Variants in CACNA1A observed in about 807,000 individuals in gnomAD.
CACNA1A encodes calcium voltage-gated channel subunit alpha1 A.
In CACNA1A, 57 loss-of-function variants were observed where a neutral mutation model predicts 262.4. That is an observed-to-expected ratio of 0.22 (90% confidence interval 0.18 to 0.27). The LOEUF (loss-of-function observed/expected upper bound fraction) is 0.27. Ranked by LOEUF, CACNA1A falls within the 10% of genes least tolerant of loss-of-function variation. CACNA1A has a pLI of 1.00. For synonymous variants in CACNA1A, 1,431 were observed against 1,419.3 expected, an observed-to-expected ratio of 1.01 and a Z score of -0.18; for missense variants, 2,526 against 3,562.8, an observed-to-expected ratio of 0.71 and a Z score of 7.41.
intron 3 of CACNA1A, among the ~76,000 whole-genome samples, chr19:13,382,995 C>T (rs1333476742): frequency 6.6e-6 from 1 of 152,188 alleles, no homozygotes; most frequent in East Asian, 1.9e-4. Flanking sequence ...AATCCCAGTT[C>T]TCTACTGTGT....
At chr19:13,290,337 G>A (rs563543576) in intron 19 of CACNA1A, among the ~76,000 whole-genome samples, 4 of 152,088 alleles carry the variant, frequency 2.6e-5, no homozygotes, top group Admixed American at 2.6e-4. Context: ...GAGAAGTTGT[G>A]TATCATGAAA....
In CACNA1A at chr19:13,303,621, T is replaced by G; in HGVS notation, c.2105-8A>C. On this transcript the variant is annotated splice_region_variant and splice_polypyrimidine_tract_variant and intron_variant, in intron 16 of 46. Transcript: ENST00000360228. ...ACACATTCAGGAGGGTGTCTGCAAA[T>G]GTCTGAGTCAGGAAAAGCAACCACT... 6.2e-7 allele frequency: 1 copy of G among 1,611,764 alleles called. No individual in the cohort carries two copies. The highest frequency in any genetic ancestry group is 8.5e-7 in the Non-Finnish European group (1 of 1,178,736).
At chr19:13,347,610 C>T (rs1191073764) in intron 6 of CACNA1A, among the ~76,000 whole-genome samples, 4 of 152,212 alleles carry the variant, frequency 2.6e-5, no homozygotes, top group African/African-American at 7.2e-5. Flanking sequence ...CAGATTGAGT[C>T]GTTGCGATGG....
intron 31 of CACNA1A, among the ~76,000 whole-genome samples, chr19:13,243,086 G>C (rs2144683311): frequency 6.6e-6 from 1 of 152,328 alleles, no homozygotes; most frequent in Non-Finnish European, 1.5e-5. Context: ...TTGACCCAAA[G>C]GGACATTGGT....
chr19:13,289,648 G>A (rs1047240140), intron 19 of CACNA1A, among the ~76,000 whole-genome samples: 8 of 152,074 alleles, frequency 5.3e-5, no homozygotes, highest in East Asian at 1.9e-4. Context: ...CATAACATGC[G>A]GGCCGTAACC....
rs1362324754 is a variant in CACNA1A, at chr19:13,474,368, T to C, written c.294-19156A>G. ...AGAGCTATTTGTTAATTTGCGACTA[T>C]GGCCGATTCCCATAAGACTCAAGGA... is the stretch of plus-strand genomic sequence containing the variant. On this transcript the variant is annotated intron_variant, in intron 1 of 46. Coordinates refer to ENST00000360228, the MANE Select transcript of CACNA1A (RefSeq NM_001127222.2). Among the ~76,000 whole-genome samples the C allele has an allele frequency of 2.0e-5, 3 of 152,332 alleles. No individual in the cohort carries two copies. The East Asian group carries it at 5.8e-4, about 29-fold the overall frequency.
intron 1 of CACNA1A, among the ~76,000 whole-genome samples, chr19:13,456,744 C>T (rs957959375): frequency 2.0e-5 from 3 of 152,120 alleles, no homozygotes; most frequent in African/African-American, 7.2e-5. Context: ...GAAAAATGGA[C>T]AGGAGGCTGG....
At chr19:13,504,324 G>A (rs973750322) in intron 1 of CACNA1A, among the ~76,000 whole-genome samples, 15 of 152,104 alleles carry the variant, frequency 9.9e-5, no homozygotes, top group African/African-American at 3.6e-4. Context: ...CACCTGCTTT[G>A]GGCACCAACG....
At position 13,207,184 on chromosome 19, in the gene CACNA1A, T is replaced by G. The variant is rs974692121; in HGVS notation, c.*129A>C. The G allele has an allele frequency of 6.8e-6, 7 of 1,031,262 alleles. No homozygotes were observed. The African/African-American group carries it at 1.2e-4, about 18-fold the overall frequency. The allele number at this position is 1,031,262 out of a possible 1,614,324, so 63.9% of individuals were successfully genotyped here. On this transcript the variant is annotated 3_prime_UTR_variant, in exon 47 of 47. Coordinates refer to ENST00000360228, the MANE Select transcript of CACNA1A (RefSeq NM_001127222.2). This position sits in a 1 kb window ranked among gnomAD's most constrained non-coding sequence, Gnocchi z 5.7. ...TGGCCCAGCCCTGGCCTCTCCAGAG[T>G]CTGGGGTCTCCCGGCTGGCCCTCTC...
rs2057724370 is a variant in CACNA1A, at chr19:13,298,733, T to A, written c.2900A>T (p.Glu967Val). 1 of 1,501,168 alleles carries A rather than the reference T, an allele frequency of 6.7e-7. No individual in the cohort carries two copies. The highest frequency in any genetic ancestry group is 8.8e-7 in the Non-Finnish European group (1 of 1,130,584). 93.0% of individuals were successfully genotyped at this position (1,501,168 alleles called of 1,614,324 possible). Residue 967 changes from glutamate (E) to valine (V), a missense_variant, in exon 19 of 47, where the codon GAG (glutamate) becomes GTG (valine). Transcript: ENST00000360228. ...CCGCTCCGCCTTGTCCTCCGGACCCTCCTCCCCGGGCCTGCGGTGCGCGCG... is the reference window on the plus strand; with the variant it reads ...CCGCTCCGCCTTGTCCTCCGGACCCACCTCCCCGGGCCTGCGGTGCGCGCG... ...RHRAHRRPGEEGPEDKAERRA... is the reference protein window; with the variant it reads ...RHRAHRRPGEVGPEDKAERRA...
intron 3 of CACNA1A, among the ~76,000 whole-genome samples, chr19:13,439,809 A>C (rs1454422899): frequency 2.6e-5 from 4 of 152,126 alleles, no homozygotes; most frequent in Admixed American, 2.0e-4. Context: ...GGGCCAGAAG[A>C]GGGGATTTGG....
Position 13,482,402 on chromosome 19 carries a change from G to T in CACNA1A, c.293+23530C>A, listed in dbSNP as rs540734565. On this transcript the variant is annotated intron_variant, in intron 1 of 46. Coordinates refer to ENST00000360228, the MANE Select transcript of CACNA1A (RefSeq NM_001127222.2). ...GGAGGCTGAGGCAGGAGAATGGCGT[G>T]AACCCAGGAGGCAGAGCTTCCAGTG... Among the ~76,000 whole-genome samples the T allele has an allele frequency of 4.6e-5, 7 of 151,308 alleles. No individual in the cohort carries two copies. In the East Asian group the frequency reaches 1.4e-3, roughly 29 times the overall value.
intron 3 of CACNA1A, among the ~76,000 whole-genome samples, chr19:13,400,739 G>A (rs2144691269): frequency 6.6e-6 from 1 of 152,304 alleles, no homozygotes. Flanking sequence ...TTGAGGCAGT[G>A]CACAGGATAG....
Position 13,241,669 on chromosome 19 carries a change from T to TGGC in CACNA1A, c.4950+3510_4950+3512dup. On this transcript the variant is annotated intron_variant, in intron 31 of 46. Coordinates refer to ENST00000360228, the MANE Select transcript of CACNA1A (RefSeq NM_001127222.2). This position sits in a 1 kb window ranked among gnomAD's most constrained non-coding sequence, Gnocchi z 4.0. ...CCCGGGCGGGGAGTGGGGGTGGTGG[T>TGGC]GGCGGTGGGTTGGGAGATAAGTCAT... is the stretch of plus-strand genomic sequence containing the variant. The TGGC allele has an allele frequency of 1.9e-6, 1 of 525,124 alleles. No homozygotes were observed. The highest frequency in any genetic ancestry group is 1.9e-5 in the African/African-American group (1 of 51,968). 32.5% of individuals were successfully genotyped at this position (525,124 alleles called of 1,614,324 possible).
intron 24 of CACNA1A, chr19:13,274,678 G>A (rs2057104353): frequency 6.6e-6 from 1 of 152,250 alleles, no homozygotes; most frequent in Non-Finnish European, 1.5e-5. Context: ...CACCTGTTGG[G>A]TACCATCTTG....
intron 1 of CACNA1A, among the ~76,000 whole-genome samples, chr19:13,460,513 G>GA (rs1293451771): frequency 2.6e-5 from 4 of 152,152 alleles, no homozygotes; most frequent in Non-Finnish European, 5.9e-5. Context: ...AAGCAGAAAA[G>GA]AAAATTTCAG....
intron 38 of CACNA1A, among the ~76,000 whole-genome samples, chr19:13,216,357 A>G (rs142102456): frequency 6.6e-6 from 1 of 152,068 alleles, no homozygotes; most frequent in East Asian, 1.9e-4. Flanking sequence ...ATTATTTTTG[A>G]GATGGAGTCT....
In CACNA1A at chr19:13,207,750, C is replaced by T. The variant is rs1478594952; in HGVS notation, c.7084G>A (p.Gly2362Ser). The T allele has an allele frequency of 2.3e-5, 31 of 1,372,264 alleles. No homozygotes were observed. The highest frequency in any genetic ancestry group is 2.9e-5 in the Non-Finnish European group (31 of 1,070,102). 85.0% of individuals were successfully genotyped at this position (1,372,264 alleles called of 1,614,324 possible). Residue 2362 changes from glycine (G) to serine (S), a missense_variant, in exon 47 of 47, where the codon GGC (glycine) becomes AGC (serine). Gly to Ser is a moderately conservative substitution (Grantham distance 56). Coordinates refer to ENST00000360228, the MANE Select transcript of CACNA1A (RefSeq NM_001127222.2). The surrounding 1 kb of genome is among the most constrained non-coding windows in gnomAD (Gnocchi z 5.7). ...DRPPTGGHSS[G>S]RSPRMERRVP... ...CGCCTCTCCATCCTGGGCGAGCGGC[C>T]GCTGCTGTGGCCCCCCGTGGGCGGC... is the stretch of plus-strand genomic sequence containing the variant.
rs117702821 is a variant in CACNA1A at position 13,470,678 on chromosome 19, A to G, written c.294-15466T>C. On this transcript the variant is annotated intron_variant, in intron 1 of 46. Transcript: ENST00000360228. ...GGTAGAGGCAGGGCTGACTTCTGTGACTGCATCATCCAAGCCCTGCAACGC... is the reference window on the plus strand; with the variant it reads ...GGTAGAGGCAGGGCTGACTTCTGTGGCTGCATCATCCAAGCCCTGCAACGC... Among the ~76,000 whole-genome samples, 26 of 152,236 alleles carry G rather than the reference A, an allele frequency of 1.7e-4. No homozygotes were observed. The East Asian group carries it at 5.0e-3, about 29-fold the overall frequency.
Sources: gnomAD v4.1 joint callset for allele counts (sites outside exome capture counted in the v4.1 genomes callset) on GRCh38, gnomAD v4.1.1 for gene constraint, Gnocchi (gnomAD v3.1) non-coding constraint, MANE v1.5 for transcripts, NCBI Gene and HGNC (gene_info 2026-07-23, HGNC 2026-07-21) for gene names.